GIGYF2: variants seen among roughly 807,000 people sequenced by gnomAD.
GIGYF2 encodes the protein GRB10 interacting GYF protein 2.
GIGYF2 carries 25 observed loss-of-function variants against 208.1 expected under a neutral mutation model. The observed-to-expected ratio is 0.12, with a 90% CI of 0.09 to 0.17. GIGYF2 has a LOEUF of 0.17. GIGYF2 is among the 10% of genes least tolerant of loss of function. The pLI is 1.00. For synonymous variants in GIGYF2, 534 were observed against 543.8 expected (o/e 0.98, Z 0.25); for missense variants, 1,302 against 1,579.4 (o/e 0.82, Z 2.98).
rs1305590230 is a variant in GIGYF2 at position 232,857,919 on chromosome 2, T to C, written c.*1059T>C. On this transcript the variant is annotated 3_prime_UTR_variant, in exon 29 of 29. Transcript: ENST00000373563. Reference sequence around the variant, plus strand: ...ATTCTGGGATGGCAAGTTGTTTGCCTTTTCTGAAAAGAGAACATACAGAAC... The same window carrying C: ...ATTCTGGGATGGCAAGTTGTTTGCCCTTTCTGAAAAGAGAACATACAGAAC... The C allele has an allele frequency of 6.5e-6, 1 of 152,720 alleles. No individual in the cohort carries two copies. Among genetic ancestry groups the C allele is most frequent in the Non-Finnish European group, 1.5e-5 (1 of 68,140 alleles). The allele number at this position is 152,720 out of a possible 1,614,324, so 9.5% of individuals were successfully genotyped here.
intron 21 of GIGYF2, among the ~76,000 whole-genome samples, chr2:232,821,611 G>A (rs1701082995): frequency 6.6e-6 from 1 of 152,114 alleles, no homozygotes; most frequent in African/African-American, 2.4e-5. Flanking sequence ...TAAATGTTGT[G>A]CATACTTTCC....
At chr2:232,842,132 G>A (rs748518592) in intron 23 of GIGYF2, among the ~76,000 whole-genome samples, 3 of 151,844 alleles carry the variant, frequency 2.0e-5, no homozygotes, top group Non-Finnish European at 2.9e-5. Flanking sequence ...GGGCCACCAC[G>A]CCCTACCCTT....
rs183895665 is a variant in GIGYF2, at chr2:232,799,876, G to C, written c.1639+3655G>C. Reference sequence around the variant, plus strand: ...TCATTTGCATTTCCCTAATCATAAGGAATGTTAAGCATCTTTTCATGTGCT... The same window carrying C: ...TCATTTGCATTTCCCTAATCATAAGCAATGTTAAGCATCTTTTCATGTGCT... On this transcript the variant is annotated intron_variant, in intron 14 of 28. Transcript: ENST00000373563. 1.5e-4 allele frequency among the ~76,000 whole-genome samples: 23 copies of C among 151,872 alleles called. No individual in the cohort carries two copies. In the East Asian group the frequency reaches 4.4e-3, roughly 29 times the overall value.
intron 3 of GIGYF2, chr2:232,735,766 T>C: frequency 1.0e-6 from 1 of 985,424 alleles, no homozygotes; most frequent in Non-Finnish European, 1.2e-6. Flanking sequence ...CTTACAGATG[T>C]GTTTGGACCC....
chr2:232,699,839 T>C lies in GIGYF2; in HGVS notation c.-110+2447T>C, dbSNP rs1695767170. Among the ~76,000 whole-genome samples the C allele has an allele frequency of 2.0e-5, 3 of 152,240 alleles. No homozygotes were observed. The South Asian group carries it at 6.2e-4, about 32-fold the overall frequency. On this transcript the variant is annotated intron_variant, in intron 1 of 28. Coordinates refer to ENST00000373563, the MANE Select transcript of GIGYF2 (RefSeq NM_001103146.3). ...TGCTGTCCAGCCCGGAGACTCTTCC[T>C]CTAATTCATGTGTATATCCTTCACA... is the stretch of plus-strand genomic sequence containing the variant.
At chr2:232,771,389 G>C in intron 8 of GIGYF2, 1 of 1,506,576 alleles carries the variant, frequency 6.6e-7, no homozygotes, top group South Asian at 1.1e-5. Flanking sequence ...CTAAAATCAA[G>C]AGTAAATTAG....
intron 5 of GIGYF2, among the ~76,000 whole-genome samples, chr2:232,749,376 T>C (rs1698258562): frequency 6.6e-6 from 1 of 152,192 alleles, no homozygotes; most frequent in South Asian, 2.1e-4. Flanking sequence ...AAATCATCTT[T>C]GCAAATAAAC....
At chr2:232,784,318 G>A (rs1355291073) in intron 8 of GIGYF2, among the ~76,000 whole-genome samples, 1 of 149,966 alleles carries the variant, frequency 6.7e-6, no homozygotes, top group Non-Finnish European at 1.5e-5. Flanking sequence ...TAAATAAAAT[G>A]AAATTTTAAA....
intron 2 of GIGYF2, among the ~76,000 whole-genome samples, chr2:232,712,191 ATATCC>A (rs1696451151): frequency 1.3e-5 from 2 of 152,246 alleles, no homozygotes; most frequent in African/African-American, 4.8e-5. Flanking sequence ...AGTCTGCTAC[ATATCC>A]TAGTCTGGAC....
intron 8 of GIGYF2, chr2:232,767,889 C>T: frequency 5.8e-6 from 2 of 346,858 alleles, no homozygotes; most frequent in Non-Finnish European, 1.1e-5. Flanking sequence ...CTTCACTGTC[C>T]ATTTTGCCTT....
chr2:232,741,434 CT>C (rs112967383), intron 3 of GIGYF2, among the ~76,000 whole-genome samples: 4,995 of 144,954 alleles, frequency 0.034, 221 homozygotes, highest in East Asian at 0.23. Flanking sequence ...TCCTGGCTTC[CT>C]TTTTTTTTTT....
chr2:232,740,757 T>A (rs1459793020), intron 3 of GIGYF2, among the ~76,000 whole-genome samples: 1 of 152,196 alleles, frequency 6.6e-6, no homozygotes, highest in Non-Finnish European at 1.5e-5. Context: ...AACCTGAGAT[T>A]GATAGCTTCC....
chr2:232,856,715 C>T, intron 28 of GIGYF2, 78 bp from the exon 29 acceptor site: 3 of 885,208 alleles, frequency 3.4e-6, no homozygotes, highest in Non-Finnish European at 5.8e-6. Context: ...CACAGACTTA[C>T]ATTCCAGCTC....
At chr2:232,807,700 G>C (rs566302792) in intron 15 of GIGYF2, among the ~76,000 whole-genome samples, 1 of 152,250 alleles carries the variant, frequency 6.6e-6, no homozygotes, top group East Asian at 1.9e-4. Context: ...AGGTTGGACT[G>C]TCTGGTGACG....
In GIGYF2 at chr2:232,730,534, GA is replaced by G. The variant is rs1221286044; in HGVS notation, c.-43-4620del. 8.6e-5 allele frequency among the ~76,000 whole-genome samples: 13 copies of G among 150,988 alleles called. No individual in the cohort carries two copies. In the East Asian group the frequency reaches 2.4e-3, roughly 27 times the overall value. On this transcript the variant is annotated intron_variant, in intron 2 of 28. Transcript: ENST00000373563. ...GCAGGACAATCACTTGAACCTGGGA[GA>G]CGAAGGTTGCAGTGAGCCAAGATCA...
intron 6 of GIGYF2, 171 bp from the exon 7 acceptor site, chr2:232,760,309 T>G: frequency 3.3e-6 from 2 of 614,394 alleles, no homozygotes; most frequent in East Asian, 5.7e-5. Flanking sequence ...GTCCAGCTAC[T>G]TCAATGCCAT....
At chr2:232,730,087 A>G (rs935584188) in intron 2 of GIGYF2, 59 of 1,218,026 alleles carry the variant, frequency 4.8e-5, no homozygotes, top group Non-Finnish European at 6.8e-5. Flanking sequence ...GCTGCTTCAA[A>G]TACTGCCACA....
intron 8 of GIGYF2, among the ~76,000 whole-genome samples, chr2:232,780,966 A>G (rs1048466155): frequency 7.9e-5 from 12 of 151,790 alleles, no homozygotes; most frequent in African/African-American, 2.4e-4. Flanking sequence ...TTTTATTATT[A>G]TTATTTTTGG....
At chr2:232,730,839 A>G (rs1192612593) in intron 2 of GIGYF2, among the ~76,000 whole-genome samples, 2 of 132,734 alleles carry the variant, frequency 1.5e-5, no homozygotes, top group African/African-American at 2.8e-5. Context: ...CGGAGCTTGC[A>G]GTGAGCCGAG....
Sources: allele counts gnomAD v4.1 joint callset (sites outside exome capture counted in the v4.1 genomes callset), GRCh38; gene constraint gnomAD v4.1.1; transcripts MANE v1.5; gene names NCBI Gene and HGNC (gene_info 2026-07-23, HGNC 2026-07-21).